Variants in PAK5 observed in about 807,000 individuals in gnomAD.
The protein encoded by PAK5 is p21 (RAC1) activated kinase 5.
Under a neutral mutation model 65.9 loss-of-function variants are expected in PAK5, and 16 were observed. That is an observed-to-expected ratio of 0.24 (90% CI 0.16 to 0.37). The LOEUF is 0.37. Among genes scored for constraint, PAK5 ranks in the 10% least tolerant of loss-of-function variants. PAK5 has a pLI of 1.00. For missense variants in PAK5, 785 were observed against 903.9 expected, an observed-to-expected ratio of 0.87 and a Z score of 1.69; for synonymous variants, 371 against 354.9, an observed-to-expected ratio of 1.05 and a Z score of -0.51.
intron 3 of PAK5, among the ~76,000 whole-genome samples, chr20:9,638,757 T>A (rs1220150250): frequency 6.6e-6 from 1 of 152,102 alleles, no homozygotes; most frequent in African/African-American, 2.4e-5. Flanking sequence ...TGACAATGGG[T>A]AAGCCTGAGG....
chr20:9,809,275 G>T (rs144562114), intron 1 of PAK5, among the ~76,000 whole-genome samples: 524 of 150,516 alleles, frequency 3.5e-3, no homozygotes, highest in Middle Eastern at 0.014. Context: ...ACTTGACCCT[G>T]CAAAATGAAC....
At chr20:9,694,187 ATTATAT>A (rs2047836432) in intron 2 of PAK5, among the ~76,000 whole-genome samples, 1 of 152,116 alleles carries the variant, frequency 6.6e-6, no homozygotes, top group African/African-American at 2.4e-5. Context: ...AAAAAATCTT[ATTATAT>A]TAAAACAATT....
chr20:9,637,152 C>G (rs1313995795), intron 3 of PAK5, among the ~76,000 whole-genome samples: 2 of 152,100 alleles, frequency 1.3e-5, no homozygotes, highest in African/African-American at 2.4e-5. Context: ...AGGTGTACAC[C>G]AGCATGCCTG....
chr20:9,787,854 A>G lies in PAK5; in HGVS notation c.-162+50908T>C, dbSNP rs535045800. Among the ~76,000 whole-genome samples the G allele has an allele frequency of 6.0e-4, 91 of 152,118 alleles. 1 individual carries two copies. Among genetic ancestry groups the G allele is most frequent in the Non-Finnish European group, 5.7e-4 (39 of 68,016 alleles). On this transcript the variant is annotated intron_variant, in intron 1 of 9. Transcript: ENST00000353224. ...AATAGTAAAATGCAGTAAAATAATG[A>G]GGAAGTGGTGACTTTTGAGTGTTTA...
chr20:9,770,473 G>A (rs569504821), intron 1 of PAK5, among the ~76,000 whole-genome samples: 12 of 152,178 alleles, frequency 7.9e-5, no homozygotes, highest in East Asian at 5.8e-4. Flanking sequence ...GGACCCATGC[G>A]TGGTTTGTAG....
chr20:9,593,272 C>G (rs901887600), intron 3 of PAK5, among the ~76,000 whole-genome samples: 15 of 151,948 alleles, frequency 9.9e-5, no homozygotes, highest in Non-Finnish European at 1.8e-4. Flanking sequence ...CCACTTTACT[C>G]CAGCCTGAGC....
intron 2 of PAK5, among the ~76,000 whole-genome samples, chr20:9,663,005 A>T (rs556417504): frequency 6.6e-6 from 1 of 152,326 alleles, no homozygotes; most frequent in African/African-American, 2.4e-5. Context: ...AATGGTGGTT[A>T]TTAGCCACTA....
At chr20:9,641,950 C>G (rs7273516) in intron 3 of PAK5, among the ~76,000 whole-genome samples, 54,817 of 151,886 alleles carry the variant, frequency 0.36, 11,566 homozygotes, top group South Asian at 0.67. Context: ...CATGCAGCCC[C>G]GGTTCCCACT....
chr20:9,587,627 A>G (rs2046092733), intron 3 of PAK5, among the ~76,000 whole-genome samples: 1 of 152,154 alleles, frequency 6.6e-6, no homozygotes, highest in Non-Finnish European at 1.5e-5. Flanking sequence ...TAAAGTGCAC[A>G]CAAATCACCC....
intron 3 of PAK5, among the ~76,000 whole-genome samples, chr20:9,636,916 C>G (rs1374988962): frequency 6.6e-6 from 1 of 152,010 alleles, no homozygotes; most frequent in Non-Finnish European, 1.5e-5. Flanking sequence ...GTCTCAGGAA[C>G]CTCTTAAAAT....
At chr20:9,721,648 C>A (rs1330344073) in intron 1 of PAK5, among the ~76,000 whole-genome samples, 1 of 87,670 alleles carries the variant, frequency 1.1e-5, no homozygotes, top group Non-Finnish European at 2.1e-5. Flanking sequence ...AGCGAGACTC[C>A]ATCTCAAAAA....
intron 3 of PAK5, among the ~76,000 whole-genome samples, chr20:9,584,960 G>A (rs917055648): frequency 2.7e-5 from 4 of 150,284 alleles, no homozygotes; most frequent in Admixed American, 2.6e-4. Context: ...CATGGGTAAT[G>A]AGTGTAAGGC....
At chr20:9,773,386 C>G (rs575654622) in intron 1 of PAK5, among the ~76,000 whole-genome samples, 2 of 152,222 alleles carry the variant, frequency 1.3e-5, no homozygotes, top group East Asian at 3.9e-4. Flanking sequence ...TATCCCTCCC[C>G]CTTCCCCCGA....
chr20:9,642,167 A>G (rs1420878795), intron 3 of PAK5, among the ~76,000 whole-genome samples: 1 of 152,146 alleles, frequency 6.6e-6, no homozygotes, highest in Non-Finnish European at 1.5e-5. Flanking sequence ...TTGGGTATAT[A>G]CCCAGTAATG....
chr20:9,801,407 C>CT (rs1351264658), intron 1 of PAK5, among the ~76,000 whole-genome samples: 1 of 151,280 alleles, frequency 6.6e-6, no homozygotes, highest in Admixed American at 6.6e-5. Flanking sequence ...AATAAACTAT[C>CT]TAAGAAGTTT....
At chr20:9,574,821 G>T (rs985520048) in intron 4 of PAK5, among the ~76,000 whole-genome samples, 1 of 152,132 alleles carries the variant, frequency 6.6e-6, no homozygotes, top group Admixed American at 6.5e-5. Context: ...TATATCCATT[G>T]TTATATTAAG....
At chr20:9,641,210 G>T (rs1265776716) in intron 3 of PAK5, among the ~76,000 whole-genome samples, 2 of 151,744 alleles carry the variant, frequency 1.3e-5, no homozygotes. Flanking sequence ...GTGTCGATTG[G>T]TGCACCCACA....
chr20:9,806,715 T>C (rs1381070130), intron 1 of PAK5, among the ~76,000 whole-genome samples: 3 of 152,222 alleles, frequency 2.0e-5, no homozygotes, highest in Non-Finnish European at 4.4e-5. Context: ...GAGCCACAGA[T>C]AAGAGAACCT....
chr20:9,830,924 G>T (rs1223952309), intron 1 of PAK5, among the ~76,000 whole-genome samples: 2 of 152,180 alleles, frequency 1.3e-5, no homozygotes, highest in East Asian at 3.8e-4. Flanking sequence ...CATTTCTGTT[G>T]TCTTTTTTTG....
Sources: allele counts gnomAD v4.1 joint callset (sites outside exome capture counted in the v4.1 genomes callset), GRCh38; gene constraint gnomAD v4.1.1; transcripts MANE v1.5; gene names NCBI Gene and HGNC (gene_info 2026-07-23, HGNC 2026-07-21).